BCAP29: variants seen among roughly 807,000 people sequenced by gnomAD.
The protein encoded by BCAP29 is B-cell receptor-associated protein 29.
BCAP29 carries 34 observed loss-of-function variants against 31.8 expected under a neutral mutation model. The observed-to-expected ratio is 1.07, with a 90% CI of 0.81 to 1.42. The LOEUF is 1.42. Among genes scored for constraint, BCAP29 ranks in the 40% most tolerant of loss-of-function variants. The pLI is 0.00. For missense variants in BCAP29, 314 were observed against 269.2 expected, an observed-to-expected ratio of 1.17 and a Z score of -1.16; for synonymous variants, 104 against 91.3, an observed-to-expected ratio of 1.14 and a Z score of -0.79.
chr7:107,581,333 C>T (rs148315345), intron 2 of BCAP29, among the ~76,000 whole-genome samples: 2 of 152,126 alleles, frequency 1.3e-5, no homozygotes, highest in Non-Finnish European at 2.9e-5. Context: ...CCTTTGTAAC[C>T]GTTAGTTTCA....
chr7:107,616,627 A>G (rs556171107), intron 7 of BCAP29, among the ~76,000 whole-genome samples: 1 of 152,328 alleles, frequency 6.6e-6, no homozygotes, highest in African/African-American at 2.4e-5. Flanking sequence ...GCTATTTATT[A>G]TGTCCTGACT....
At chr7:107,600,828 G>A (rs117006503) in intron 6 of BCAP29, among the ~76,000 whole-genome samples, 3,034 of 152,222 alleles carry the variant, frequency 0.02, 47 homozygotes, top group Non-Finnish European at 0.03. Flanking sequence ...TTCCATCATC[G>A]TATATTCCTC....
At chr7:107,584,069 G>A (rs1193301441) in intron 3 of BCAP29, 87 bp downstream of exon 3, 3 of 729,022 alleles carry the variant, frequency 4.1e-6, no homozygotes, top group South Asian at 2.7e-5. Context: ...TACAATTGGT[G>A]TACAGTTGAC....
chr7:107,592,795 T>G (rs912351413), intron 3 of BCAP29, among the ~76,000 whole-genome samples: 1 of 152,196 alleles, frequency 6.6e-6, no homozygotes, highest in Non-Finnish European at 1.5e-5. Flanking sequence ...AGACGAACTT[T>G]GAAAGCATTA....
chr7:107,595,752 A>T (rs907787152), intron 4 of BCAP29, 115 bp from the exon 5 acceptor site: 14 of 1,142,928 alleles, frequency 1.2e-5, no homozygotes, highest in Non-Finnish European at 1.7e-5. Context: ...TTCTGCCTAA[A>T]CATTATCTGC....
chr7:107,613,829 A>T, intron 7 of BCAP29: 1 of 837,366 alleles, frequency 1.2e-6, no homozygotes, highest in African/African-American at 1.7e-5. Flanking sequence ...AGTGTTTTAG[A>T]CATATTAGGA....
downstream of BCAP29, chr7:107,620,666 C>T (rs1350195958): frequency 6.6e-6 from 1 of 152,176 alleles, no homozygotes; most frequent in Non-Finnish European, 1.5e-5. Flanking sequence ...TAGGAAGTAG[C>T]ACTTAGCAAG....
rs138972250 is a variant in BCAP29, at chr7:107,618,451, A to G, written c.*88A>G. On this transcript the variant is annotated 3_prime_UTR_variant, in exon 8 of 8. Coordinates refer to ENST00000005259, the MANE Select transcript of BCAP29 (RefSeq NM_018844.4). ...AGAAAATTTAAGTTCAGAAAAATGC[A>G]CTATGACCGGTTCGTAATTTTTTTA... 15 of 1,612,980 alleles carry G rather than the reference A, an allele frequency of 9.3e-6. No homozygotes were observed. In the African/African-American group the frequency reaches 1.2e-4, roughly 13 times the overall value.
intron 7 of BCAP29, among the ~76,000 whole-genome samples, chr7:107,614,848 A>G (rs2129291145): frequency 6.6e-6 from 1 of 152,362 alleles, no homozygotes; most frequent in South Asian, 2.1e-4. Context: ...CGTCTCAAAA[A>G]TAGAGACCCT....
At chr7:107,592,415 A>G (rs1809035052) in intron 3 of BCAP29, among the ~76,000 whole-genome samples, 1 of 152,250 alleles carries the variant, frequency 6.6e-6, no homozygotes, top group Non-Finnish European at 1.5e-5. Context: ...TAGGATGACT[A>G]TAATCAAAAA....
At chr7:107,587,696 C>G (rs1807963905) in intron 3 of BCAP29, 1 of 151,404 alleles carries the variant, frequency 6.6e-6, no homozygotes, top group African/African-American at 2.4e-5. Flanking sequence ...ATTGGAAAAC[C>G]TAGATAAAAT....
chr7:107,585,667 G>A (rs996775254), intron 3 of BCAP29, among the ~76,000 whole-genome samples: 3 of 152,146 alleles, frequency 2.0e-5, no homozygotes, highest in Admixed American at 1.3e-4. Flanking sequence ...AGGGAGGGGA[G>A]TTGTAGTATA....
rs1415908688 is a variant in BCAP29 at position 107,620,459 on chromosome 7, ATATT to A, written c.*2102_*2105del. The A allele has an allele frequency of 6.6e-6, 1 of 152,156 alleles. No homozygotes were observed. The highest frequency in any genetic ancestry group is 1.5e-5 in the Non-Finnish European group (1 of 68,044). The allele number at this position is 152,156 out of a possible 1,614,324, so 9.4% of individuals were successfully genotyped here. A position where few individuals can be genotyped will look rare whatever the true frequency, so the allele number is the denominator to read the frequency against. ...TTAGCAAATTGTATTACATAAATAA[ATATT>A]TATTTCATGGATTGAGTTATGTTGC... On this transcript the variant is annotated 3_prime_UTR_variant, in exon 8 of 8. Coordinates refer to ENST00000005259, the MANE Select transcript of BCAP29 (RefSeq NM_018844.4).
At chr7:107,609,709 G>A (rs536903026) in intron 6 of BCAP29, among the ~76,000 whole-genome samples, 11 of 152,280 alleles carry the variant, frequency 7.2e-5, no homozygotes, top group Non-Finnish European at 1.5e-4. Flanking sequence ...TATCTTGGAA[G>A]CATTACTGTA....
chr7:107,599,199 ACATATT>A (rs1342970550), intron 5 of BCAP29, among the ~76,000 whole-genome samples: 1 of 25,090 alleles, frequency 4.0e-5, no homozygotes, highest in East Asian at 8.1e-4. Flanking sequence ...GTATATAAAT[ACATATT>A]TATAAATATA....
chr7:107,599,305 AATTTT>A (rs1231898649), intron 5 of BCAP29, among the ~76,000 whole-genome samples: 1,056 of 42,886 alleles, frequency 0.025, 120 homozygotes, highest in African/African-American at 0.13. Flanking sequence ...ATTATATATA[AATTTT>A]ATATATATAT....
chr7:107,618,300 T>A, intron 7 of BCAP29, 28 bp from the exon 8 acceptor site: 1 of 1,507,204 alleles, frequency 6.6e-7, no homozygotes, highest in South Asian at 1.3e-5. Flanking sequence ...TTTGCTGTAC[T>A]ACATAAATCA....
At chr7:107,612,419 A>T (rs1297701166) in intron 6 of BCAP29, among the ~76,000 whole-genome samples, 1 of 41,708 alleles carries the variant, frequency 2.4e-5, no homozygotes, top group Admixed American at 3.3e-4. Flanking sequence ...ATATATATAT[A>T]TATATATATA....
In BCAP29 at chr7:107,618,543, A is replaced by C. The variant is rs1454452772; in HGVS notation, c.*180A>C. ...TTTGATGATGTTTCAGATATATTGCAAAGTCTGTATTCCAGCTCTTAAGAA... is the reference window on the plus strand; with the variant it reads ...TTTGATGATGTTTCAGATATATTGCCAAGTCTGTATTCCAGCTCTTAAGAA... On this transcript the variant is annotated 3_prime_UTR_variant, in exon 8 of 8. Transcript: ENST00000005259. 1 of 1,603,454 alleles carries C rather than the reference A, an allele frequency of 6.2e-7. No homozygotes were observed. The highest frequency in any genetic ancestry group is 8.5e-7 in the Non-Finnish European group (1 of 1,171,040).
Sources: gnomAD v4.1 joint callset for allele counts (sites outside exome capture counted in the v4.1 genomes callset) on GRCh38, gnomAD v4.1.1 for gene constraint, MANE v1.5 for transcripts, NCBI Gene and HGNC (gene_info 2026-07-23, HGNC 2026-07-21) for gene names.